The following MUSK variants were observed in gnomAD, a reference collection of about 807,000 sequenced individuals.
MUSK encodes the protein muscle, skeletal receptor tyrosine-protein kinase.
Under a neutral mutation model 88.7 loss-of-function variants are expected in MUSK, and 55 were observed. The ratio of observed to expected loss-of-function variants is 0.62; its 90% CI spans 0.50 to 0.78. The LOEUF (loss-of-function observed/expected upper bound fraction) is 0.78, where lower values mean the gene tolerates loss of function less well. MUSK is among the 30% of genes least tolerant of loss of function. MUSK has a pLI of 0.00. For synonymous variants in MUSK, 387 were observed against 391.9 expected (o/e 0.99, Z 0.15); for missense variants, 1,015 against 1,074.3 (o/e 0.94, Z 0.77).
chr9:110,790,588 G>C (rs1208851054), intron 14 of MUSK, among the ~76,000 whole-genome samples: 1 of 152,196 alleles, frequency 6.6e-6, no homozygotes, highest in Non-Finnish European at 1.5e-5. Context: ...ATAGTAATAA[G>C]AGAGAATTGG....
chr9:110,787,766 A>G lies in MUSK; in HGVS notation c.1855A>G (p.Met619Val). The G allele has an allele frequency of 1.2e-6, 2 of 1,613,870 alleles. No homozygotes were observed. The highest frequency in any genetic ancestry group is 1.7e-6 in the Non-Finnish European group (2 of 1,179,818). Residue 619 changes from methionine (M) to valine (V), a missense_variant, in exon 14 of 15, where the codon ATG becomes GTG. By Grantham distance (21) the Met-to-Val change is conservative. Coordinates refer to ENST00000374448, the MANE Select transcript of MUSK (RefSeq NM_005592.4). ...KMLKEEASAD[M>V]QADFQREAAL... ...GCTCAAAGAAGAAGCCTCGGCAGAT[A>G]TGCAAGCGGACTTTCAGAGGGAGGC...
At chr9:110,689,196 A>AAATATATAATG (rs1564216564) in intron 3 of MUSK, among the ~76,000 whole-genome samples, 1 of 121,102 alleles carries the variant, frequency 8.3e-6, no homozygotes, top group South Asian at 2.4e-4. Flanking sequence ...TATATCATAT[A>AAATATATAATG]TATATTCATA....
intron 3 of MUSK, among the ~76,000 whole-genome samples, chr9:110,689,388 TA>T (rs1394378872): frequency 8.7e-6 from 1 of 114,562 alleles, no homozygotes; most frequent in Admixed American, 1.0e-4. Flanking sequence ...GTAAAAAATA[TA>T]AAAATATGTG....
At chr9:110,732,748 A>G (rs934321802) in intron 5 of MUSK, among the ~76,000 whole-genome samples, 3 of 152,058 alleles carry the variant, frequency 2.0e-5, no homozygotes, top group Non-Finnish European at 2.9e-5. Flanking sequence ...TTATTTTTTA[A>G]TAATCTCTTT....
At chr9:110,772,662 G>A (rs970031222) in intron 9 of MUSK, among the ~76,000 whole-genome samples, 10 of 151,976 alleles carry the variant, frequency 6.6e-5, no homozygotes, top group African/African-American at 2.2e-4. Context: ...TCTTAAATGA[G>A]TATTAGCTAT....
intron 11 of MUSK, among the ~76,000 whole-genome samples, chr9:110,778,544 T>C (rs2077704355): frequency 6.6e-6 from 1 of 152,142 alleles, no homozygotes; most frequent in Non-Finnish European, 1.5e-5. Flanking sequence ...GTGTGATACA[T>C]ACATTATCTC....
Position 110,735,288 on chromosome 9 carries a change from C to A in MUSK, c.753+913C>A, listed in dbSNP as rs998193439. Among the ~76,000 whole-genome samples the A allele has an allele frequency of 3.3e-5, 5 of 151,946 alleles. No homozygotes were observed. The East Asian group carries it at 9.7e-4, about 29-fold the overall frequency. The stretch of plus-strand genomic sequence containing the variant: ...TTTATTGCGGCACTATTCACAATAA[C>A]CAAGATATAGAATCAAACTAAGTAT... On this transcript the variant is annotated intron_variant, in intron 6 of 14. Coordinates refer to ENST00000374448, the MANE Select transcript of MUSK (RefSeq NM_005592.4).
rs2076194085 is a variant in MUSK at position 110,686,179 on chromosome 9, T to C, written c.207-938T>C. ...AGCTTCTAGAGGCCACCTGCGTTCC[T>C]TGGCCCCCTACTCCACTTATAAGTC... On this transcript the variant is annotated intron_variant, in intron 2 of 14. Transcript: ENST00000374448. 3.3e-5 allele frequency among the ~76,000 whole-genome samples: 5 copies of C among 152,084 alleles called. No individual in the cohort carries two copies. The South Asian group carries it at 1.0e-3, about 32-fold the overall frequency.
intron 5 of MUSK, among the ~76,000 whole-genome samples, chr9:110,715,941 G>A (rs535527476): frequency 6.7e-6 from 1 of 149,174 alleles, no homozygotes; most frequent in Non-Finnish European, 1.5e-5. Context: ...TGGACACATG[G>A]GGGGAACAAT....
intron 7 of MUSK, among the ~76,000 whole-genome samples, chr9:110,754,605 T>C (rs1564267649): frequency 6.6e-6 from 1 of 152,202 alleles, no homozygotes; most frequent in Non-Finnish European, 1.5e-5. Context: ...TCCTTCCACA[T>C]TACAAAATGA....
At chr9:110,671,981 A>G (rs1021024689) in intron 1 of MUSK, among the ~76,000 whole-genome samples, 6 of 152,168 alleles carry the variant, frequency 3.9e-5, no homozygotes, top group African/African-American at 1.4e-4. Flanking sequence ...CCTCTTTTAA[A>G]TTGTATGTAT....
chr9:110,686,805 A>T lies in MUSK; in HGVS notation c.207-312A>T, dbSNP rs377299716. Among the ~76,000 whole-genome samples the T allele has an allele frequency of 8.8e-4, 134 of 152,270 alleles. 3 individuals carry two copies. The South Asian group carries it at 0.022, about 24-fold the overall frequency. On this transcript the variant is annotated intron_variant, in intron 2 of 14. Coordinates refer to ENST00000374448, the MANE Select transcript of MUSK (RefSeq NM_005592.4). ...ACTTCCCAGAACTTATTGGGAGAAG[A>T]CACCTATGTCTTGGTTTTATATGCT...
Position 110,768,080 on chromosome 9 carries a change from G to T in MUSK, c.1181G>T (p.Cys394Phe), listed in dbSNP as rs760844052. Reference sequence around the variant, plus strand: ...GTAGTGCCTACTCCTATTCCCATTTGCAGGTAAAATCTCAAAAATAAGTCA... The same window carrying T: ...GTAGTGCCTACTCCTATTCCCATTTTCAGGTAAAATCTCAAAAATAAGTCA... ...PGVVPTPIPICREYCLAVKEL... is the reference protein window; with the variant it reads ...PGVVPTPIPIFREYCLAVKEL... The change falls in exon 9 of 15, where the codon TGC becomes TTC. Residue 394 changes from cysteine to phenylalanine, a missense_variant. Cys to Phe is a radical substitution (Grantham distance 205). Coordinates refer to ENST00000374448, the MANE Select transcript of MUSK (RefSeq NM_005592.4). The T allele has an allele frequency of 1.9e-6, 3 of 1,590,786 alleles. No individual in the cohort carries two copies. Among genetic ancestry groups the T allele is most frequent in the Non-Finnish European group, 2.6e-6 (3 of 1,167,016 alleles).
intron 14 of MUSK, 125 bp from the exon 15 acceptor site, chr9:110,800,181 C>T (rs1313611517): frequency 2.3e-6 from 2 of 854,052 alleles, no homozygotes; most frequent in South Asian, 1.8e-5. Flanking sequence ...AAAAAACAAA[C>T]ATACGACAAC....
intron 7 of MUSK, among the ~76,000 whole-genome samples, chr9:110,759,832 C>T (rs569993866): frequency 2.0e-4 from 31 of 152,044 alleles, no homozygotes; most frequent in African/African-American, 7.5e-4. Flanking sequence ...CAGATGCTGT[C>T]TGAGACCAGC....
Position 110,668,881 on chromosome 9 carries a change from G to A in MUSK, c.-24G>A, listed in dbSNP as rs769020314. Reference sequence around the variant, plus strand: ...CCTTGCGTTGTCCAGAAGGAACTTCGTCCTGCGTGAGCCTGGATTAATCAT... The same window carrying A: ...CCTTGCGTTGTCCAGAAGGAACTTCATCCTGCGTGAGCCTGGATTAATCAT... On this transcript the variant is annotated 5_prime_UTR_variant, in exon 1 of 15. Coordinates refer to ENST00000374448, the MANE Select transcript of MUSK (RefSeq NM_005592.4). The A allele has an allele frequency of 1.2e-6, 2 of 1,600,370 alleles. No individual in the cohort carries two copies. The highest frequency in any genetic ancestry group is 1.1e-5 in the South Asian group (1 of 90,692).
At chr9:110,776,325 CTTT>C (rs1324519763) in intron 10 of MUSK, among the ~76,000 whole-genome samples, 2 of 152,000 alleles carry the variant, frequency 1.3e-5, no homozygotes, top group Admixed American at 6.5e-5. Flanking sequence ...GAATAAAGTC[CTTT>C]TTCTTAGCCA....
intron 8 of MUSK, among the ~76,000 whole-genome samples, chr9:110,765,539 G>A (rs571433090): frequency 9.9e-5 from 15 of 151,748 alleles, no homozygotes; most frequent in Non-Finnish European, 2.2e-4. Context: ...TACATAACAT[G>A]GGACCCTTCA....
At chr9:110,762,620 G>A (rs1297181301) in intron 8 of MUSK, among the ~76,000 whole-genome samples, 5 of 151,970 alleles carry the variant, frequency 3.3e-5, no homozygotes, top group Non-Finnish European at 5.9e-5. Context: ...GAGTTCAAGT[G>A]GCTTACACAG....
Sources: gnomAD v4.1 joint callset for allele counts (sites outside exome capture counted in the v4.1 genomes callset) on GRCh38, gnomAD v4.1.1 for gene constraint, MANE v1.5 for transcripts, NCBI Gene and HGNC (gene_info 2026-07-23, HGNC 2026-07-21) for gene names.